Variants in RERG observed in about 807,000 individuals in gnomAD.
RERG encodes ras-related and estrogen-regulated growth inhibitor.
In RERG, 25 loss-of-function variants were observed where a neutral mutation model predicts 23.2. That is an observed-to-expected ratio of 1.08 (90% CI 0.79 to 1.50). The LOEUF (loss-of-function observed/expected upper bound fraction) is 1.50. Ranked by LOEUF, RERG falls within the 40% of genes most tolerant of loss-of-function variation. The pLI, the probability that RERG is intolerant of heterozygous loss-of-function variation, is 0.00. For missense variants in RERG, 253 were observed against 250.1 expected (o/e 1.01, Z -0.08); for synonymous variants, 81 against 89.1 (o/e 0.91, Z 0.51).
At chr12:15,145,878 T>C (rs1396170766) in intron 2 of RERG, among the ~76,000 whole-genome samples, 1 of 152,208 alleles carries the variant, frequency 6.6e-6, no homozygotes, top group African/African-American at 2.4e-5. Context: ...AAGATAGAAA[T>C]TAGTTCATTT....
intron 2 of RERG, chr12:15,137,897 C>T: frequency 2.2e-6 from 1 of 446,848 alleles, no homozygotes; most frequent in South Asian, 1.6e-5. Context: ...TGAGATGTAT[C>T]ATTCTCCTTC....
At chr12:15,199,329 A>G (rs555615912) in intron 2 of RERG, among the ~76,000 whole-genome samples, 3 of 152,206 alleles carry the variant, frequency 2.0e-5, no homozygotes, top group South Asian at 4.1e-4. Flanking sequence ...CCATTTGATT[A>G]TGGCATTCTG....
chr12:15,111,560 G>A, intron 3 of RERG, 143 bp from the exon 4 acceptor site: 1 of 617,098 alleles, frequency 1.6e-6, no homozygotes, highest in South Asian at 2.2e-5. Flanking sequence ...AGAGAGGAGA[G>A]ATGTGCAAAA....
chr12:15,135,154 AT>A (rs1864122317), intron 2 of RERG, among the ~76,000 whole-genome samples: 1 of 152,160 alleles, frequency 6.6e-6, no homozygotes, highest in Non-Finnish European at 1.5e-5. Context: ...ATATTGTTAG[AT>A]TTGTGGCTAA....
intron 2 of RERG, among the ~76,000 whole-genome samples, chr12:15,185,295 C>A (rs1319424296): frequency 6.6e-6 from 1 of 152,116 alleles, no homozygotes; most frequent in Non-Finnish European, 1.5e-5. Context: ...ATATTCTTAA[C>A]CGTGGCCTAG....
Position 15,121,154 on chromosome 12 carries a change from T to C in RERG, c.62-35A>G, listed in dbSNP as rs745496418. Reference sequence around the variant, plus strand: ...AAAAGAGCAACATTTCAAAAAATAATTTGTTAATTTGCTTAGCACACCTAT... The same window carrying C: ...AAAAGAGCAACATTTCAAAAAATAACTTGTTAATTTGCTTAGCACACCTAT... On this transcript the variant is annotated intron_variant, in intron 2 of 4. Coordinates refer to ENST00000256953, the MANE Select transcript of RERG (RefSeq NM_032918.3). 3.2e-6 allele frequency: 5 copies of C among 1,557,116 alleles called. No homozygotes were observed. The African/African-American group carries it at 5.4e-5, about 17-fold the overall frequency.
intron 2 of RERG, among the ~76,000 whole-genome samples, chr12:15,170,383 TCTGTACTTTCTGCCCAGTTTAGCC>T (rs983459610): frequency 2.6e-5 from 4 of 152,072 alleles, no homozygotes; most frequent in Non-Finnish European, 5.9e-5. Context: ...ATATAGGAAC[TCTGTACTTTCTGCCCAGTTTAGCC>T]CTGAACCTAA....
chr12:15,213,389 T>A (rs534147657), intron 2 of RERG, among the ~76,000 whole-genome samples: 1 of 152,356 alleles, frequency 6.6e-6, no homozygotes, highest in South Asian at 2.1e-4. Flanking sequence ...GTGCCTTGCA[T>A]GCCACATTAT....
At chr12:15,156,812 G>A (rs915722948) in intron 2 of RERG, among the ~76,000 whole-genome samples, 1 of 152,120 alleles carries the variant, frequency 6.6e-6, no homozygotes, top group African/African-American at 2.4e-5. Flanking sequence ...GCATTTTCGT[G>A]CAAATCTCAA....
At chr12:15,212,247 G>A (rs1341025529) in intron 2 of RERG, among the ~76,000 whole-genome samples, 2 of 149,280 alleles carry the variant, frequency 1.3e-5, no homozygotes, top group African/African-American at 4.9e-5. Context: ...TTTTAGTAGA[G>A]ACGGGGTTTC....
At chr12:15,171,608 C>A (rs1176957106) in intron 2 of RERG, among the ~76,000 whole-genome samples, 1 of 151,994 alleles carries the variant, frequency 6.6e-6, no homozygotes, top group African/African-American at 2.4e-5. Context: ...GAGAGACATA[C>A]CTAAAAAACA....
chr12:15,201,881 T>C lies in RERG; in HGVS notation c.61+15548A>G, dbSNP rs117247970. ...TAGGGTTCACCAAAGTTAAATAAGC[T>C]GATCACTCACACAGTTAATAAGTGG... is the stretch of plus-strand genomic sequence containing the variant. On this transcript the variant is annotated intron_variant, in intron 2 of 4. Coordinates refer to ENST00000256953, the MANE Select transcript of RERG (RefSeq NM_032918.3). Among the ~76,000 whole-genome samples the C allele has an allele frequency of 8.2e-3, 1,247 of 151,754 alleles. 16 individuals carry two copies. Among genetic ancestry groups the C allele is most frequent in the Non-Finnish European group, 8.5e-3 (575 of 67,672 alleles).
intron 2 of RERG, among the ~76,000 whole-genome samples, chr12:15,203,583 G>GA (rs1305877666): frequency 6.6e-6 from 1 of 151,454 alleles, no homozygotes; most frequent in Non-Finnish European, 1.5e-5. Context: ...AACTAATCAA[G>GA]AAAAAGGAAT....
In RERG at chr12:15,108,405, G is replaced by A. The variant is rs531382586; in HGVS notation, c.*705C>T. ...ATATCACCCTGACTTGATGAAAAAA[G>A]GCCCAGCAGGATGTGAATTTTGTGT... On this transcript the variant is annotated 3_prime_UTR_variant, in exon 5 of 5. Transcript: ENST00000256953. 1 of 152,648 alleles carries A rather than the reference G, an allele frequency of 6.6e-6. No individual in the cohort carries two copies. Among genetic ancestry groups the A allele is most frequent in the South Asian group, 2.1e-4 (1 of 4,828 alleles). The allele number at this position is 152,648 out of a possible 1,614,324, so 9.5% of individuals were successfully genotyped here.
chr12:15,205,055 ACT>A (rs1444020151), intron 2 of RERG, among the ~76,000 whole-genome samples: 1 of 152,008 alleles, frequency 6.6e-6, no homozygotes, highest in Non-Finnish European at 1.5e-5. Context: ...GTACACAGGA[ACT>A]CTCTATTATT....
chr12:15,163,551 T>C (rs1158894001), intron 2 of RERG, among the ~76,000 whole-genome samples: 1 of 152,024 alleles, frequency 6.6e-6, no homozygotes, highest in East Asian at 1.9e-4. Flanking sequence ...TCAGTGAGAG[T>C]GTATCATAGG....
At chr12:15,184,854 A>C (rs1864968977) in intron 2 of RERG, among the ~76,000 whole-genome samples, 1 of 152,192 alleles carries the variant, frequency 6.6e-6, no homozygotes, top group Non-Finnish European at 1.5e-5. Flanking sequence ...GCATAACTTG[A>C]AACACCACAA....
At chr12:15,163,719 A>T (rs1864646739) in intron 2 of RERG, among the ~76,000 whole-genome samples, 1 of 152,250 alleles carries the variant, frequency 6.6e-6, no homozygotes, top group South Asian at 2.1e-4. Context: ...ATGAAACAAC[A>T]GGAGGAAATG....
intron 2 of RERG, among the ~76,000 whole-genome samples, chr12:15,180,309 C>G (rs897689416): frequency 2.0e-5 from 3 of 152,126 alleles, no homozygotes; most frequent in African/African-American, 7.2e-5. Context: ...CAAGCCACAT[C>G]CACTATGTGC....
Sources: gnomAD v4.1 joint callset for allele counts (sites outside exome capture counted in the v4.1 genomes callset) on GRCh38, gnomAD v4.1.1 for gene constraint, MANE v1.5 for transcripts, NCBI Gene and HGNC (gene_info 2026-07-23, HGNC 2026-07-21) for gene names.